The following CA12 variants were observed in gnomAD, a reference collection of about 807,000 sequenced individuals.
CA12 encodes the protein carbonate dehydratase XII.
A neutral mutation model predicts 46.8 loss-of-function variants in CA12; 36 were observed. That is an observed-to-expected ratio of 0.77 (90% CI 0.59 to 1.02). The LOEUF is 1.02. CA12 is among the 50% of genes least tolerant of loss of function. CA12 has a pLI of 0.00. For synonymous variants in CA12, 202 were observed against 187.0 expected, an observed-to-expected ratio of 1.08 and a Z score of -0.65; for missense variants, 436 against 451.4, an observed-to-expected ratio of 0.97 and a Z score of 0.31.
intron 2 of CA12, among the ~76,000 whole-genome samples, chr15:63,371,917 A>G (rs728904): frequency 0.16 from 24,491 of 152,004 alleles, 2,327 homozygotes; most frequent in African/African-American, 0.25. Context: ...TAAAAAAGCT[A>G]TCAGAGTAAG....
intron 8 of CA12, among the ~76,000 whole-genome samples, chr15:63,334,863 G>C (rs1381747646): frequency 6.6e-6 from 1 of 152,146 alleles, no homozygotes; most frequent in Non-Finnish European, 1.5e-5. Context: ...GGAAGATGGG[G>C]AACAAGGTCT....
At chr15:63,349,269 T>A (rs1383650615) in intron 2 of CA12, among the ~76,000 whole-genome samples, 2 of 152,226 alleles carry the variant, frequency 1.3e-5, no homozygotes, top group African/African-American at 2.4e-5. Context: ...ACCTTCTCCA[T>A]CTGTCAGGCA....
Position 63,328,093 on chromosome 15 carries a change from C to T in CA12, c.907+5G>A. ...GCATGCACGGCTGGCTGCCCAGCCACATACCCAGACTCAGTCCTGCCGCAG... is the reference window on the plus strand; with the variant it reads ...GCATGCACGGCTGGCTGCCCAGCCATATACCCAGACTCAGTCCTGCCGCAG... On this transcript the variant is annotated splice_donor_5th_base_variant and intron_variant, in intron 9 of 10. Coordinates refer to ENST00000178638, the MANE Select transcript of CA12 (RefSeq NM_001218.5). The surrounding 1 kb of genome is among the most constrained non-coding windows in gnomAD (Gnocchi z 5.9). The T allele has an allele frequency of 6.2e-7, 1 of 1,613,974 alleles. No homozygotes were observed. The highest frequency in any genetic ancestry group is 8.5e-7 in the Non-Finnish European group (1 of 1,179,884).
chr15:63,375,569 C>A, intron 2 of CA12, 89 bp downstream of exon 2: 1 of 874,378 alleles, frequency 1.1e-6, no homozygotes, highest in Non-Finnish European at 1.9e-6. Flanking sequence ...AAAATCACCT[C>A]CACAGAGCAT....
At chr15:63,337,930 C>G (rs565104079) in intron 8 of CA12, among the ~76,000 whole-genome samples, 2 of 152,252 alleles carry the variant, frequency 1.3e-5, no homozygotes, top group Admixed American at 1.3e-4. Context: ...TGAAATGGAA[C>G]TGCACAGACC....
Position 63,322,018 on chromosome 15 carries a change from T to C in CA12, c.*4267A>G, listed in dbSNP as rs1301228604. 6.6e-6 allele frequency: 1 copy of C among 152,252 alleles called. No individual in the cohort carries two copies. Among genetic ancestry groups the C allele is most frequent in the Non-Finnish European group, 1.5e-5 (1 of 68,040 alleles). The allele number at this position is 152,252 out of a possible 1,614,324, so 9.4% of individuals were successfully genotyped here. The stretch of plus-strand genomic sequence containing the variant: ...GAACCCTCAGTCTCTGAAAGTCGGG[T>C]TCGTCGTCCGGGTCTGCGCAGGGCA... On this transcript the variant is annotated 3_prime_UTR_variant, in exon 11 of 11. Transcript: ENST00000178638. The surrounding 1 kb of genome is among the most constrained non-coding windows in gnomAD (Gnocchi z 4.1).
chr15:63,351,582 A>C (rs2039232618), intron 2 of CA12, among the ~76,000 whole-genome samples: 1 of 152,194 alleles, frequency 6.6e-6, no homozygotes, highest in Admixed American at 6.5e-5. Context: ...CCCTGAGCCT[A>C]AGAACAGGCT....
chr15:63,377,551 G>A (rs1423310144), intron 1 of CA12, among the ~76,000 whole-genome samples: 1 of 151,718 alleles, frequency 6.6e-6, no homozygotes, highest in Non-Finnish European at 1.5e-5. Context: ...CTCAGTGTTT[G>A]TAATTAATTT....
chr15:63,349,396 G>A (rs2039196617), intron 2 of CA12, among the ~76,000 whole-genome samples: 1 of 152,152 alleles, frequency 6.6e-6, no homozygotes, highest in African/African-American at 2.4e-5. Context: ...TCCAGGACTG[G>A]CTGGGATCAG....
intron 8 of CA12, among the ~76,000 whole-genome samples, chr15:63,336,785 C>G (rs1007743347): frequency 2.0e-5 from 3 of 152,042 alleles, no homozygotes; most frequent in Non-Finnish European, 1.5e-5. Context: ...AGGCCTTGAA[C>G]CTAGGCCTCC....
In CA12 at chr15:63,348,664, A is replaced by G. The variant is rs1438770664; in HGVS notation, c.107-1955T>C. Among the ~76,000 whole-genome samples the G allele has an allele frequency of 2.0e-5, 3 of 152,244 alleles. No individual in the cohort carries two copies. Among genetic ancestry groups the G allele is most frequent in the Admixed American group, 2.0e-4 (3 of 15,290 alleles). ...GAGAAGCTTTCTCTTTGCACACATG[A>G]CTAAAGGGAACTGGATTAGAAGGGT... On this transcript the variant is annotated intron_variant, in intron 2 of 10. Transcript: ENST00000178638. This position sits in a 1 kb window ranked among gnomAD's most constrained non-coding sequence, Gnocchi z 4.6.
At chr15:63,359,918 C>G (rs903423769) in intron 2 of CA12, among the ~76,000 whole-genome samples, 8 of 152,190 alleles carry the variant, frequency 5.3e-5, no homozygotes, top group African/African-American at 1.9e-4. Flanking sequence ...CAGTTCTCTG[C>G]TGAAAGTTCT....
At chr15:63,347,047 A>G (rs2039159799) in intron 2 of CA12, among the ~76,000 whole-genome samples, 4 of 152,252 alleles carry the variant, frequency 2.6e-5, no homozygotes, top group African/African-American at 9.6e-5. Flanking sequence ...GCCAGTACCT[A>G]TTATGAGCCA....
intron 2 of CA12, among the ~76,000 whole-genome samples, chr15:63,362,584 C>T (rs751372883): frequency 9.9e-5 from 15 of 152,158 alleles, no homozygotes; most frequent in Non-Finnish European, 1.6e-4. Flanking sequence ...CTGGAAATTA[C>T]CCAAAGAGGG....
chr15:63,342,810 G>A (rs1011303699), intron 4 of CA12, among the ~76,000 whole-genome samples: 1 of 152,110 alleles, frequency 6.6e-6, no homozygotes, highest in African/African-American at 2.4e-5. Context: ...TTGTCCTTGA[G>A]ACTATGACAT....
chr15:63,362,588 A>G (rs16946916), intron 2 of CA12, among the ~76,000 whole-genome samples: 6,747 of 152,230 alleles, frequency 0.044, 366 homozygotes, highest in African/African-American at 0.12. Flanking sequence ...AAATTACCCA[A>G]AGAGGGGATC....
Position 63,328,196 on chromosome 15 carries a change from G to C in CA12, c.875-66C>G. The C allele has an allele frequency of 2.2e-6, 3 of 1,389,870 alleles. No individual in the cohort carries two copies. Among genetic ancestry groups the C allele is most frequent in the Non-Finnish European group, 3.1e-6 (3 of 976,406 alleles). The allele number at this position is 1,389,870 out of a possible 1,614,324, so 86.1% of individuals were successfully genotyped here. On this transcript the variant is annotated intron_variant, in intron 8 of 10. Coordinates refer to ENST00000178638, the MANE Select transcript of CA12 (RefSeq NM_001218.5). The surrounding 1 kb of genome is among the most constrained non-coding windows in gnomAD (Gnocchi z 5.9). ...AAACCACACTGGATTTGAGCAGCGT[G>C]TTGAGAGACGCTCTACCATTTGTTT...
At position 63,326,181 on chromosome 15, in the gene CA12, G is replaced by A. The variant is rs1466584201; in HGVS notation, c.*104C>T. On this transcript the variant is annotated 3_prime_UTR_variant, in exon 11 of 11. Transcript: ENST00000178638. The stretch of plus-strand genomic sequence containing the variant: ...CTGAGGCCTGGCATGTTTGCAGATT[G>A]AGCTACAGAGAACACCTTGAGGTGT... The A allele has an allele frequency of 3.1e-5, 28 of 896,076 alleles. No individual in the cohort carries two copies. Among genetic ancestry groups the A allele is most frequent in the South Asian group, 2.9e-4 (22 of 75,826 alleles). The allele number at this position is 896,076 out of a possible 1,614,324, so 55.5% of individuals were successfully genotyped here.
At position 63,335,001 on chromosome 15, in the gene CA12, C is replaced by T. The variant is rs117183333; in HGVS notation, c.874+3818G>A. On this transcript the variant is annotated intron_variant, in intron 8 of 10. Coordinates refer to ENST00000178638, the MANE Select transcript of CA12 (RefSeq NM_001218.5). ...GGCATGTGATATAAAACTCCAGACT[C>T]CTATGACATCAGTGAAAACAATGAG... Among the ~76,000 whole-genome samples, 1,196 of 152,282 alleles carry T rather than the reference C, an allele frequency of 7.9e-3. 9 individuals carry two copies. Among genetic ancestry groups the T allele is most frequent in the Non-Finnish European group, 0.013 (879 of 68,024 alleles).
Sources: gnomAD v4.1 joint callset for allele counts (sites outside exome capture counted in the v4.1 genomes callset) on GRCh38, gnomAD v4.1.1 for gene constraint, Gnocchi (gnomAD v3.1) non-coding constraint, MANE v1.5 for transcripts, NCBI Gene and HGNC (gene_info 2026-07-23, HGNC 2026-07-21) for gene names.